The following AKAP9 variants were observed in gnomAD, a reference collection of about 807,000 sequenced individuals.
AKAP9 encodes the protein A-kinase anchoring protein 9, also known as A-kinase anchor protein 9.
AKAP9 carries 311 observed loss-of-function variants against 488.5 expected under a neutral mutation model. The observed-to-expected ratio is 0.64, with a 90% CI of 0.58 to 0.70. The LOEUF (loss-of-function observed/expected upper bound fraction) is 0.70, where lower values mean the gene tolerates loss of function less well. AKAP9 is among the 30% of genes least tolerant of loss of function. The pLI is 0.00. For missense variants in AKAP9, 4,215 were observed against 4,374.5 expected, an observed-to-expected ratio of 0.96 and a Z score of 1.03; for synonymous variants, 1,462 against 1,483.5, an observed-to-expected ratio of 0.99 and a Z score of 0.33.
chr7:92,062,629 T>G, intron 24 of AKAP9, 143 bp downstream of exon 24: 2 of 736,384 alleles, frequency 2.7e-6, no homozygotes, highest in Non-Finnish European at 4.5e-6. Context: ...AAAATCTACC[T>G]TAGAGATAAA....
intron 21 of AKAP9, among the ~76,000 whole-genome samples, chr7:92,046,258 G>A (rs2130792536): frequency 6.6e-6 from 1 of 152,276 alleles, no homozygotes; most frequent in Middle Eastern, 3.4e-3. Context: ...GTGAGATGGA[G>A]AAACATAGGA....
chr7:92,020,441 G>A (rs532819000), intron 12 of AKAP9, among the ~76,000 whole-genome samples: 1 of 152,116 alleles, frequency 6.6e-6, no homozygotes, highest in South Asian at 2.1e-4. Flanking sequence ...CTAGGCTTAG[G>A]CATTTCTTCC....
intron 3 of AKAP9, among the ~76,000 whole-genome samples, chr7:91,980,805 A>C (rs896542253): frequency 2.0e-5 from 3 of 152,096 alleles, no homozygotes; most frequent in African/African-American, 7.2e-5. Flanking sequence ...TGTCCACTTT[A>C]GGAAATACCC....
At chr7:92,061,502 G>T in intron 23 of AKAP9, 80 bp downstream of exon 23, 1 of 1,504,910 alleles carries the variant, frequency 6.6e-7, no homozygotes. Flanking sequence ...AGCCAGGTTT[G>T]GAAGCCGTCA....
chr7:92,042,562 G>A, intron 19 of AKAP9, 106 bp from the exon 20 acceptor site: 1 of 775,210 alleles, frequency 1.3e-6, no homozygotes, highest in East Asian at 2.6e-5. Context: ...TGTGCACAGA[G>A]GTTTCTATTT....
intron 17 of AKAP9, 56 bp downstream of exon 17, chr7:92,038,828 C>A: frequency 8.1e-7 from 1 of 1,240,324 alleles, no homozygotes; most frequent in Non-Finnish European, 1.2e-6. Context: ...AATTCTTTCA[C>A]TTTAAAAATA....
At chr7:92,035,309 G>C (rs1436678992) in intron 16 of AKAP9, among the ~76,000 whole-genome samples, 1 of 151,972 alleles carries the variant, frequency 6.6e-6, no homozygotes. Flanking sequence ...GTTTCTTTGT[G>C]GTCTGGCAAA....
At chr7:91,974,016 T>C (rs1584651562) in intron 2 of AKAP9, 48 bp downstream of exon 2, 1 of 1,605,556 alleles carries the variant, frequency 6.2e-7, no homozygotes, top group Non-Finnish European at 8.5e-7. Context: ...CGATGGAAAG[T>C]AGTCATAACA....
At chr7:92,061,513 A>G (rs1809786670) in intron 23 of AKAP9, 91 bp downstream of exon 23, 2 of 1,436,378 alleles carry the variant, frequency 1.4e-6, no homozygotes, top group African/African-American at 1.4e-5. Context: ...GAAGCCGTCA[A>G]TCCAATTTAG....
intron 12 of AKAP9, among the ~76,000 whole-genome samples, chr7:92,018,310 A>G (rs2130719580): frequency 6.6e-6 from 1 of 151,900 alleles, no homozygotes. Context: ...ACTTGAACCT[A>G]GGAGTTTGAG....
Position 92,063,065 on chromosome 7 carries a change from G to A in AKAP9, c.5977+579G>A, listed in dbSNP as rs867925983. ...AAAGTTTGTTTAGCAGTAAATGTCA[G>A]TCTTGGTAATGATGGAACTTTAATC... is the stretch of plus-strand genomic sequence containing the variant. On this transcript the variant is annotated intron_variant, in intron 24 of 49. Coordinates refer to ENST00000356239, the MANE Select transcript of AKAP9 (RefSeq NM_005751.5). Among the ~76,000 whole-genome samples the A allele has an allele frequency of 2.1e-5, 3 of 139,674 alleles. No homozygotes were observed. In the East Asian group the frequency reaches 5.9e-4, roughly 27 times the overall value. The allele number at this position is 139,674 out of a possible 152,430, so 91.6% of individuals were successfully genotyped here.
chr7:91,970,383 A>G (rs1256571486), intron 1 of AKAP9: 1 of 427,582 alleles, frequency 2.3e-6, no homozygotes. Flanking sequence ...GTATTAGAGT[A>G]TTGTGGGTTT....
rs373525865 is a variant in AKAP9, at chr7:92,066,383, A to G, written c.6211-44A>G. The G allele has an allele frequency of 1.9e-6, 3 of 1,607,666 alleles. No individual in the cohort carries two copies. The African/African-American group carries it at 4.0e-5, about 22-fold the overall frequency. On this transcript the variant is annotated intron_variant, in intron 25 of 49. Transcript: ENST00000356239. ...AAGTAAGAAATAATAGCTTCTCTAA[A>G]TACTGTTTCTTCAGCTACTATCATT...
chr7:92,005,822 C>G (rs1799768129), intron 8 of AKAP9, among the ~76,000 whole-genome samples: 1 of 151,236 alleles, frequency 6.6e-6, no homozygotes, highest in Non-Finnish European at 1.5e-5. Flanking sequence ...TGCACCACCA[C>G]CACGCCTGGG....
intron 48 of AKAP9, chr7:92,107,706 C>G (rs1181187260): frequency 3.3e-6 from 1 of 305,410 alleles, no homozygotes; most frequent in African/African-American, 2.2e-5. Context: ...AAAAAATTAG[C>G]CAGGCGTGGT....
intron 31 of AKAP9, 31 bp downstream of exon 31, chr7:92,080,183 A>C: frequency 6.7e-7 from 1 of 1,488,436 alleles, no homozygotes; most frequent in East Asian, 2.4e-5. Context: ...GTTTCATTTA[A>C]ATACCCCAAG....
In AKAP9 at chr7:91,995,723, G is replaced by A. The variant is rs1798311958; in HGVS notation, c.853G>A (p.Glu285Lys). ...GCTTGAAGAACAAGACCACTTATTAGAAGATTATCAGAAAAAGAAAGAAGA... is the reference window on the plus strand; with the variant it reads ...GCTTGAAGAACAAGACCACTTATTAAAAGATTATCAGAAAAAGAAAGAAGA... ...QQLEEQDHLL[E>K]DYQKKKEDFT... is the part of the protein sequence containing the mutation. Residue 285 changes from glutamate to lysine, a missense_variant, in exon 7 of 50, where the codon GAA becomes AAA. By Grantham distance (56) the Glu-to-Lys change is moderately conservative. Around this residue, in one of 5 missense-constraint regions of AKAP9, gnomAD observed 2,361 missense variants for 2,430.0 expected, o/e 0.97. Coordinates refer to ENST00000356239, the MANE Select transcript of AKAP9 (RefSeq NM_005751.5). 6.2e-7 allele frequency: 1 copy of A among 1,613,654 alleles called. No homozygotes were observed. The highest frequency in any genetic ancestry group is 8.5e-7 in the Non-Finnish European group (1 of 1,179,718).
chr7:92,099,892 C>T (rs1345390889), intron 44 of AKAP9, 23 bp downstream of exon 44: 8 of 1,609,650 alleles, frequency 5.0e-6, no homozygotes, highest in Non-Finnish European at 6.8e-6. Flanking sequence ...TTAGCATCTC[C>T]ATATATGAGA....
chr7:92,020,962 A>AT (rs756574497), intron 12 of AKAP9, among the ~76,000 whole-genome samples: 5 of 152,204 alleles, frequency 3.3e-5, no homozygotes, highest in Non-Finnish European at 5.9e-5. Context: ...TTGCAAGTCC[A>AT]TAGTCTTTCC....
Sources: gnomAD v4.1 joint callset for allele counts (sites outside exome capture counted in the v4.1 genomes callset) on GRCh38, gnomAD v4.1.1 for gene constraint, gnomAD v4.1.1 regional missense constraint, MANE v1.5 for transcripts, NCBI Gene and HGNC (gene_info 2026-07-23, HGNC 2026-07-21) for gene names.